The following CBFB variants were observed in gnomAD, a reference collection of about 807,000 sequenced individuals.
The protein encoded by CBFB is CBF-beta.
Under a neutral mutation model 30.4 loss-of-function variants are expected in CBFB, and 9 were observed. The ratio of observed to expected loss-of-function variants is 0.30; its 90% CI spans 0.18 to 0.52. The LOEUF (loss-of-function observed/expected upper bound fraction) is 0.52. Ranked by LOEUF, CBFB falls within the 20% of genes least tolerant of loss-of-function variation. CBFB has a pLI of 0.97. For missense variants in CBFB, 170 were observed against 244.0 expected, an observed-to-expected ratio of 0.70 and a Z score of 2.02; for synonymous variants, 94 against 84.0, an observed-to-expected ratio of 1.12 and a Z score of -0.65.
At chr16:67,046,063 T>G (rs1567607735) in intron 3 of CBFB, among the ~76,000 whole-genome samples, 1 of 152,008 alleles carries the variant, frequency 6.6e-6, no homozygotes, top group Non-Finnish European at 1.5e-5. Context: ...CCCAAAGTGT[T>G]GGGATTATAG....
chr16:67,098,721 A>T lies in CBFB; in HGVS notation c.507A>T (p.Gln169His). 2 of 1,609,114 alleles carry T rather than the reference A, an allele frequency of 1.2e-6. No individual in the cohort carries two copies. The highest frequency in any genetic ancestry group is 1.7e-6 in the Non-Finnish European group (2 of 1,175,536). Residue 169 changes from glutamine (Q) to histidine (H), a missense_variant, in exon 6 of 6, where the codon CAA (glutamine) becomes CAT (histidine). Gln to His is a conservative substitution (Grantham distance 24). Transcript: ENST00000412916. ...SHREEMEARR[Q>H]QDPSPGSNLG... ...TTTTGTCATTGCAGGCAAGAAGACAACAAGACCCTAGTCCTGGTTCCAATT... is the reference window on the plus strand; with the variant it reads ...TTTTGTCATTGCAGGCAAGAAGACATCAAGACCCTAGTCCTGGTTCCAATT...
chr16:67,038,332 GTGTATATA>G (rs897659363), intron 3 of CBFB, among the ~76,000 whole-genome samples: 1 of 150,974 alleles, frequency 6.6e-6, no homozygotes, highest in Admixed American at 6.6e-5. Context: ...GTATATGTGT[GTGTATATA>G]TGTATATATG....
intron 2 of CBFB, among the ~76,000 whole-genome samples, chr16:67,033,545 G>A (rs1428599170): frequency 4.0e-5 from 6 of 151,132 alleles, no homozygotes; most frequent in Admixed American, 2.6e-4. Context: ...GTCTCCAACT[G>A]CTGGCCTCAA....
chr16:67,079,546 A>G (rs1315807780), intron 4 of CBFB, among the ~76,000 whole-genome samples: 1 of 131,706 alleles, frequency 7.6e-6, no homozygotes, highest in Admixed American at 7.8e-5. Context: ...TTTGACCCCA[A>G]CGTGATATGA....
intron 3 of CBFB, among the ~76,000 whole-genome samples, chr16:67,038,603 A>G (rs1233250924): frequency 6.6e-6 from 1 of 152,142 alleles, no homozygotes; most frequent in Non-Finnish European, 1.5e-5. Flanking sequence ...ACTATTTGGT[A>G]ATTCTTACAC....
chr16:67,048,882 G>A (rs973627624), intron 3 of CBFB, among the ~76,000 whole-genome samples: 4 of 132,674 alleles, frequency 3.0e-5, no homozygotes, highest in Non-Finnish European at 4.7e-5. Context: ...GTGCAATGGC[G>A]CCATCTCAGC....
Position 67,029,275 on chromosome 16 carries a change from G to A in CBFB, c.-133G>A. On this transcript the variant is annotated 5_prime_UTR_variant, in exon 1 of 6. Coordinates refer to ENST00000412916, the MANE Select transcript of CBFB (RefSeq NM_022845.3). ...CCCCGGAACGGGAGCCCACGCGGGC[G>A]GGCGCCTGAAACAAAGGGAAGCGGG... 1 of 495,954 alleles carries A rather than the reference G, an allele frequency of 2.0e-6. No individual in the cohort carries two copies. Among genetic ancestry groups the A allele is most frequent in the East Asian group, 4.2e-5 (1 of 23,626 alleles). The allele number at this position is 495,954 out of a possible 1,614,324, so 30.7% of individuals were successfully genotyped here.
intron 3 of CBFB, among the ~76,000 whole-genome samples, chr16:67,043,823 T>C (rs1966576059): frequency 6.6e-6 from 1 of 152,208 alleles, no homozygotes; most frequent in African/African-American, 2.4e-5. Context: ...AACTGATTGA[T>C]AGAGTGTTTG....
intron 4 of CBFB, among the ~76,000 whole-genome samples, chr16:67,072,947 A>G (rs896280846): frequency 6.6e-6 from 1 of 152,068 alleles, no homozygotes; most frequent in African/African-American, 2.4e-5. Context: ...TGCTGGCTTC[A>G]AACGATCCTC....
intron 5 of CBFB, among the ~76,000 whole-genome samples, chr16:67,098,380 G>A (rs758565764): frequency 3.6e-4 from 55 of 152,118 alleles, no homozygotes; most frequent in Non-Finnish European, 6.0e-4. Context: ...CAAATGATCT[G>A]CCCGTCTCAG....
chr16:67,038,747 T>C (rs1226917343), intron 3 of CBFB, among the ~76,000 whole-genome samples: 7 of 151,924 alleles, frequency 4.6e-5, no homozygotes, highest in Non-Finnish European at 1.0e-4. Context: ...TTGTTTAACA[T>C]GGTAGCTCAG....
intron 5 of CBFB, among the ~76,000 whole-genome samples, chr16:67,085,331 G>A (rs1386771748): frequency 2.6e-5 from 4 of 151,866 alleles, no homozygotes; most frequent in Non-Finnish European, 4.4e-5. Flanking sequence ...CAGCACGCCC[G>A]GCAAATTTTT....
At chr16:67,079,515 CTTTTTTT>C (rs34164177) in intron 4 of CBFB, among the ~76,000 whole-genome samples, 9 of 98,680 alleles carry the variant, frequency 9.1e-5, no homozygotes, top group African/African-American at 3.0e-4. Context: ...GGCCCTGGGT[CTTTTTTT>C]TTTTTTTTTT....
rs1961695975 is a variant in CBFB, at chr16:67,085,405, G to A, written c.495+3097G>A. On this transcript the variant is annotated intron_variant, in intron 5 of 5. Transcript: ENST00000412916. ...GGCTGGTCTCAAACACCTGACCTCG[G>A]GTGATCTACCTGCCTCAGCCTCCCA... is the stretch of plus-strand genomic sequence containing the variant. Among the ~76,000 whole-genome samples, 3 of 151,212 alleles carry A rather than the reference G, an allele frequency of 2.0e-5. No individual in the cohort carries two copies. The Admixed American group carries it at 2.0e-4, about 10-fold the overall frequency.
At chr16:67,060,218 G>T (rs1960866576) in intron 3 of CBFB, among the ~76,000 whole-genome samples, 1 of 151,922 alleles carries the variant, frequency 6.6e-6, no homozygotes, top group Non-Finnish European at 1.5e-5. Context: ...AGCTCAAGCA[G>T]TCCTCCCAAA....
chr16:67,053,069 T>G (rs898481445), intron 3 of CBFB, among the ~76,000 whole-genome samples: 1 of 151,128 alleles, frequency 6.6e-6, no homozygotes, highest in Non-Finnish European at 1.5e-5. Flanking sequence ...TCAACCCGTC[T>G]CCCCCCACAA....
intron 3 of CBFB, among the ~76,000 whole-genome samples, chr16:67,065,190 C>T (rs753780436): frequency 4.6e-5 from 7 of 152,128 alleles, no homozygotes; most frequent in African/African-American, 9.7e-5. Context: ...TCAGCCACCG[C>T]GCCTAGCCAG....
At chr16:67,072,193 AC>A (rs1485945135) in intron 4 of CBFB, among the ~76,000 whole-genome samples, 7 of 152,148 alleles carry the variant, frequency 4.6e-5, no homozygotes, top group African/African-American at 1.7e-4. Context: ...TAATATTTTG[AC>A]CCACAAATTG....
chr16:67,055,357 C>CTTTCTTTTTTTTTTTTTT (rs1484285498), intron 3 of CBFB, among the ~76,000 whole-genome samples: 2 of 81,474 alleles, frequency 2.5e-5, no homozygotes, highest in Admixed American at 1.2e-4. Context: ...CAGACACTTT[C>CTTTCTTTTTTTTTTTTTT]TTTTTTTTTT....
Sources: gnomAD v4.1 joint callset for allele counts (sites outside exome capture counted in the v4.1 genomes callset) on GRCh38, gnomAD v4.1.1 for gene constraint, MANE v1.5 for transcripts, NCBI Gene and HGNC (gene_info 2026-07-23, HGNC 2026-07-21) for gene names.